The following KLHL1 variants were observed in gnomAD, a reference collection of about 807,000 sequenced individuals.
The protein encoded by KLHL1 is kelch like family member 1, also known as kelch-like protein 1.
A neutral mutation model predicts 77.7 loss-of-function variants in KLHL1; 47 were observed. The observed-to-expected ratio is 0.60, with a 90% CI of 0.48 to 0.77. KLHL1 has a LOEUF of 0.77. Among genes scored for constraint, KLHL1 ranks in the 30% least tolerant of loss-of-function variants. KLHL1 has a pLI of 0.00. For missense variants in KLHL1, 925 were observed against 910.8 expected (o/e 1.02, Z -0.20); for synonymous variants, 360 against 325.2 (o/e 1.11, Z -1.15).
At chr13:69,891,455 T>G (rs1300850461) in intron 4 of KLHL1, among the ~76,000 whole-genome samples, 2 of 152,070 alleles carry the variant, frequency 1.3e-5, no homozygotes, top group African/African-American at 4.8e-5. Context: ...GTATATGTGA[T>G]TCTATGACTG....
At chr13:69,800,557 A>C (rs67258245) in intron 6 of KLHL1, among the ~76,000 whole-genome samples, 1 of 152,062 alleles carries the variant, frequency 6.6e-6, no homozygotes. Context: ...TATTGTAAAC[A>C]TTTTGTCTTC....
chr13:69,832,340 C>G (rs185879593), intron 6 of KLHL1, among the ~76,000 whole-genome samples: 16 of 149,908 alleles, frequency 1.1e-4, no homozygotes, highest in African/African-American at 3.7e-4. Context: ...GAAATCAACT[C>G]TTTTTAAAAT....
At chr13:70,053,427 T>C (rs558220981) in intron 1 of KLHL1, among the ~76,000 whole-genome samples, 16 of 152,140 alleles carry the variant, frequency 1.1e-4, no homozygotes, top group Admixed American at 5.9e-4. Context: ...GAAAATAATA[T>C]ATGTGATTTA....
intron 1 of KLHL1, among the ~76,000 whole-genome samples, chr13:69,998,917 TGG>T (rs1566485924): frequency 6.6e-6 from 1 of 151,994 alleles, no homozygotes; most frequent in African/African-American, 2.4e-5. Flanking sequence ...GGCTTTAATC[TGG>T]GGGATGCTTT....
chr13:70,042,816 C>T (rs1032704867), intron 1 of KLHL1, among the ~76,000 whole-genome samples: 4 of 152,168 alleles, frequency 2.6e-5, no homozygotes, highest in African/African-American at 9.7e-5. Flanking sequence ...TAGGAGATGA[C>T]AGCTCCATGC....
chr13:69,761,675 A>G (rs935926687), intron 7 of KLHL1, among the ~76,000 whole-genome samples: 1 of 152,198 alleles, frequency 6.6e-6, no homozygotes, highest in African/African-American at 2.4e-5. Flanking sequence ...ACCAATGATA[A>G]CGCATTTAAT....
chr13:69,784,977 C>A (rs930529564), intron 7 of KLHL1, among the ~76,000 whole-genome samples: 3 of 147,786 alleles, frequency 2.0e-5, no homozygotes, highest in Non-Finnish European at 3.0e-5. Flanking sequence ...GCAAGCTCCG[C>A]CTCCCGGGTT....
At chr13:69,928,352 G>A (rs1882884588) in intron 4 of KLHL1, among the ~76,000 whole-genome samples, 1 of 152,196 alleles carries the variant, frequency 6.6e-6, no homozygotes, top group African/African-American at 2.4e-5. Flanking sequence ...TTTTCAGGGA[G>A]ACAGATTTGA....
chr13:69,903,529 C>G (rs1028586791), intron 4 of KLHL1, among the ~76,000 whole-genome samples: 2 of 149,448 alleles, frequency 1.3e-5, no homozygotes, highest in Non-Finnish European at 3.0e-5. Flanking sequence ...CTAGAAAGCA[C>G]TTTCTTTTAT....
At chr13:69,977,934 TTC>T (rs1484372641) in intron 1 of KLHL1, among the ~76,000 whole-genome samples, 2 of 152,216 alleles carry the variant, frequency 1.3e-5, no homozygotes, top group African/African-American at 2.4e-5. Context: ...ATTACCTGTG[TTC>T]TCTGTTATCT....
chr13:69,887,570 T>G (rs1881265896), intron 4 of KLHL1, among the ~76,000 whole-genome samples: 1 of 152,204 alleles, frequency 6.6e-6, no homozygotes, highest in South Asian at 2.1e-4. Context: ...TTTTGCCAAG[T>G]GTTTTGCCAC....
chr13:70,006,675 T>G (rs2137332032), intron 1 of KLHL1, among the ~76,000 whole-genome samples: 1 of 151,986 alleles, frequency 6.6e-6, no homozygotes, highest in East Asian at 1.9e-4. Context: ...AATGTTTCTC[T>G]CATGGACATG....
intron 6 of KLHL1, among the ~76,000 whole-genome samples, chr13:69,809,266 A>C (rs1304310528): frequency 6.6e-6 from 1 of 152,192 alleles, no homozygotes; most frequent in African/African-American, 2.4e-5. Flanking sequence ...CAGACTATGC[A>C]AGGTCAATGC....
chr13:70,102,962 C>A lies in KLHL1; in HGVS notation c.497+4241G>T, dbSNP rs375695692. 3.3e-4 allele frequency among the ~76,000 whole-genome samples: 50 copies of A among 152,268 alleles called. No individual in the cohort carries two copies. In the South Asian group the frequency reaches 0.01, roughly 32 times the overall value. Reference sequence around the variant, plus strand: ...ACATACTCCTCTCCACTTGGAAATTCACTTACAGACAAACAAAATCAACAC... The same window carrying A: ...ACATACTCCTCTCCACTTGGAAATTAACTTACAGACAAACAAAATCAACAC... On this transcript the variant is annotated intron_variant, in intron 1 of 10. Transcript: ENST00000377844.
At chr13:69,928,057 G>A (rs1882874885) in intron 4 of KLHL1, among the ~76,000 whole-genome samples, 1 of 152,160 alleles carries the variant, frequency 6.6e-6, no homozygotes, top group South Asian at 2.1e-4. Context: ...AAGTCACATA[G>A]CACTACATAC....
chr13:70,060,357 G>C (rs1364030254), intron 1 of KLHL1, among the ~76,000 whole-genome samples: 1 of 152,118 alleles, frequency 6.6e-6, no homozygotes, highest in Non-Finnish European at 1.5e-5. Flanking sequence ...ACAGTATGCA[G>C]GTTCTGCAAA....
intron 1 of KLHL1, among the ~76,000 whole-genome samples, chr13:70,060,517 A>G (rs549675195): frequency 8.8e-5 from 13 of 147,056 alleles, no homozygotes; most frequent in African/African-American, 3.3e-4. Flanking sequence ...AGGAAAACCT[A>G]TTTGTTAACA....
intron 4 of KLHL1, among the ~76,000 whole-genome samples, chr13:69,896,480 G>T (rs1454734769): frequency 6.6e-6 from 1 of 151,946 alleles, no homozygotes. Flanking sequence ...CAGTGTGCCC[G>T]CTTGTCAAAT....
At chr13:69,750,476 A>T (rs1000304796) in intron 7 of KLHL1, among the ~76,000 whole-genome samples, 2 of 151,784 alleles carry the variant, frequency 1.3e-5, no homozygotes, top group African/African-American at 4.8e-5. Flanking sequence ...AATTATAAAA[A>T]TTTTCCAGTG....
Sources: gnomAD v4.1 joint callset for allele counts (sites outside exome capture counted in the v4.1 genomes callset) on GRCh38, gnomAD v4.1.1 for gene constraint, MANE v1.5 for transcripts, NCBI Gene and HGNC (gene_info 2026-07-23, HGNC 2026-07-21) for gene names.